Variants in PTPRN2 observed in about 807,000 individuals in gnomAD.
PTPRN2 encodes protein tyrosine phosphatase receptor type N2.
PTPRN2 carries 74 observed loss-of-function variants against 118.8 expected under a neutral mutation model. The ratio of observed to expected loss-of-function variants is 0.62; its 90% confidence interval spans 0.52 to 0.76. PTPRN2 has a LOEUF of 0.76. PTPRN2 is among the 30% of genes least tolerant of loss of function. PTPRN2 has a pLI of 0.00. For missense variants in PTPRN2, 1,481 were observed against 1,394.4 expected (o/e 1.06, Z -0.99); for synonymous variants, 641 against 608.0 (o/e 1.05, Z -0.80).
chr7:157,565,783 C>T (rs1469049334), intron 21 of PTPRN2, among the ~76,000 whole-genome samples: 1 of 152,198 alleles, frequency 6.6e-6, no homozygotes, highest in Non-Finnish European at 1.5e-5. Context: ...ACATGTTTTG[C>T]TACATGTGAG....
intron 11 of PTPRN2, among the ~76,000 whole-genome samples, chr7:158,071,382 C>CCTG (rs1488932060): frequency 1.7e-5 from 1 of 58,738 alleles, no homozygotes; most frequent in Non-Finnish European, 3.3e-5. Context: ...GGTGGAGGTG[C>CCTG]TCGTGGTGGA....
chr7:158,024,517 G>T (rs908500770), intron 11 of PTPRN2, among the ~76,000 whole-genome samples: 1 of 152,172 alleles, frequency 6.6e-6, no homozygotes, highest in Non-Finnish European at 1.5e-5. Context: ...CAGGGCACCC[G>T]TGCAGCTGTG....
At chr7:158,333,106 T>G (rs1182635745) in intron 2 of PTPRN2, among the ~76,000 whole-genome samples, 2 of 116,028 alleles carry the variant, frequency 1.7e-5, no homozygotes. Flanking sequence ...GCTCTCACCA[T>G]AAGAAGTGAC....
At chr7:158,177,724 T>C (rs1277043810) in intron 5 of PTPRN2, among the ~76,000 whole-genome samples, 1 of 152,256 alleles carries the variant, frequency 6.6e-6, no homozygotes, top group Admixed American at 6.5e-5. Flanking sequence ...AGTTTATTAC[T>C]GAGTAGCATT....
chr7:157,670,992 T>C (rs1178888885), intron 13 of PTPRN2, among the ~76,000 whole-genome samples: 1 of 152,132 alleles, frequency 6.6e-6, no homozygotes, highest in Non-Finnish European at 1.5e-5. Context: ...GCCATCCCTG[T>C]CATCACCCGC....
chr7:158,291,431 T>A (rs987396493), intron 3 of PTPRN2, among the ~76,000 whole-genome samples: 2 of 152,242 alleles, frequency 1.3e-5, no homozygotes, highest in East Asian at 3.8e-4. Context: ...TGTTTGGGTT[T>A]TTTTAGTCTA....
intron 13 of PTPRN2, among the ~76,000 whole-genome samples, chr7:157,679,301 T>G (rs567810954): frequency 6.6e-6 from 1 of 152,322 alleles, no homozygotes; most frequent in Admixed American, 6.5e-5. Context: ...GTTAAACAAA[T>G]GACCTTTAAG....
intron 2 of PTPRN2, among the ~76,000 whole-genome samples, chr7:158,363,225 A>T (rs1563202402): frequency 1.3e-5 from 2 of 151,710 alleles, no homozygotes; most frequent in East Asian, 3.9e-4. Flanking sequence ...CTACGGGAGG[A>T]CGCTCGGGAG....
intron 3 of PTPRN2, among the ~76,000 whole-genome samples, chr7:158,262,656 GAC>G (rs910793392): frequency 1.1e-4 from 14 of 129,720 alleles, no homozygotes; most frequent in East Asian, 2.5e-4. Context: ...TGCACACACT[GAC>G]ACACTGCACG....
chr7:157,967,623 T>C (rs981237524), intron 11 of PTPRN2, among the ~76,000 whole-genome samples: 2 of 152,078 alleles, frequency 1.3e-5, no homozygotes, highest in Non-Finnish European at 2.9e-5. Flanking sequence ...CTCCATGACA[T>C]GGGGAAAAGG....
At chr7:157,844,288 T>G (rs1808643623) in intron 12 of PTPRN2, among the ~76,000 whole-genome samples, 1 of 152,182 alleles carries the variant, frequency 6.6e-6, no homozygotes, top group Non-Finnish European at 1.5e-5. Flanking sequence ...CTGAAGGAGA[T>G]TCTACATTCC....
At chr7:157,978,781 A>ACAGTGAG (rs1802929016) in intron 11 of PTPRN2, among the ~76,000 whole-genome samples, 1 of 151,888 alleles carries the variant, frequency 6.6e-6, no homozygotes, top group Non-Finnish European at 1.5e-5. Flanking sequence ...ATTTTCTGTC[A>ACAGTGAG]CAGTGAGGTT....
intron 2 of PTPRN2, among the ~76,000 whole-genome samples, chr7:158,387,880 A>C (rs868223134): frequency 1.7e-4 from 26 of 152,144 alleles, no homozygotes; most frequent in African/African-American, 4.1e-4. Flanking sequence ...GCTGCCCTGC[A>C]GATGTCAGAC....
chr7:158,202,992 G>C (rs1273514771), intron 4 of PTPRN2, among the ~76,000 whole-genome samples: 2 of 152,012 alleles, frequency 1.3e-5, no homozygotes, highest in Non-Finnish European at 2.9e-5. Context: ...CTAGCACTCT[G>C]GGAGGCCAAG....
chr7:158,331,440 C>T (rs1161513320), intron 2 of PTPRN2, among the ~76,000 whole-genome samples: 3 of 149,278 alleles, frequency 2.0e-5, no homozygotes, highest in African/African-American at 5.1e-5. Context: ...CACACCCATA[C>T]TCTCACCATA....
chr7:158,451,770 C>T (rs1293481837), intron 2 of PTPRN2, among the ~76,000 whole-genome samples: 3 of 152,182 alleles, frequency 2.0e-5, no homozygotes, highest in Admixed American at 2.0e-4. Context: ...TCCCAGGAGT[C>T]AGGCTGGTGA....
At chr7:157,574,110 C>T (rs1021925162) in intron 19 of PTPRN2, among the ~76,000 whole-genome samples, 2 of 152,330 alleles carry the variant, frequency 1.3e-5, no homozygotes, top group South Asian at 4.1e-4. Flanking sequence ...TCATTTGACT[C>T]CATCAGAACA....
In PTPRN2 at chr7:157,927,708, G is replaced by A. The variant is rs563048416; in HGVS notation, c.1724-28971C>T. Among the ~76,000 whole-genome samples the A allele has an allele frequency of 2.0e-5, 3 of 152,170 alleles. No homozygotes were observed. In the East Asian group the frequency reaches 5.8e-4, roughly 30 times the overall value. On this transcript the variant is annotated intron_variant, in intron 11 of 22. Transcript: ENST00000389418. ...GTGCACACGGGCATGTGTGGTGTGT[G>A]GGAAGCAGGAGGGAAGCGAGGTTTT... is the stretch of plus-strand genomic sequence containing the variant.
In PTPRN2 at chr7:157,953,746, A is replaced by C. The variant is rs1271597023; in HGVS notation, c.1724-55009T>G. ...GACTCAGACCCGGGGCAGCTGGTGG[A>C]AGCTGGGGTTAAGAGTGGAATACAT... On this transcript the variant is annotated intron_variant, in intron 11 of 22. Transcript: ENST00000389418. This position sits in a 1 kb window ranked among gnomAD's most constrained non-coding sequence, Gnocchi z 4.6. 6.6e-6 allele frequency among the ~76,000 whole-genome samples: 1 copy of C among 152,076 alleles called. No individual in the cohort carries two copies. The highest frequency in any genetic ancestry group is 1.9e-4 in the East Asian group (1 of 5,186).
Sources: gnomAD v4.1 joint callset for allele counts (sites outside exome capture counted in the v4.1 genomes callset) on GRCh38, gnomAD v4.1.1 for gene constraint, Gnocchi (gnomAD v3.1) non-coding constraint, MANE v1.5 for transcripts, NCBI Gene and HGNC (gene_info 2026-07-23, HGNC 2026-07-21) for gene names.